Variants in EPB41L2 observed in about 807,000 individuals in gnomAD.
The protein encoded by EPB41L2 is erythrocyte membrane protein band 4.1 like 2.
A neutral mutation model predicts 113.0 loss-of-function variants in EPB41L2; 43 were observed. That is an observed-to-expected ratio of 0.38 (90% CI 0.30 to 0.49). The LOEUF is 0.49. Ranked by LOEUF, EPB41L2 falls within the 20% of genes least tolerant of loss-of-function variation. The pLI, the probability that EPB41L2 is intolerant of heterozygous loss-of-function variation, is 0.95. For missense variants in EPB41L2, 1,147 were observed against 1,223.4 expected, an observed-to-expected ratio of 0.94 and a Z score of 0.93; for synonymous variants, 442 against 436.7, an observed-to-expected ratio of 1.01 and a Z score of -0.15.
chr6:130,903,314 C>T (rs533594329), intron 6 of EPB41L2, among the ~76,000 whole-genome samples: 1 of 148,886 alleles, frequency 6.7e-6, no homozygotes, highest in African/African-American at 2.5e-5. Context: ...TGTGCAGTTA[C>T]AAAAGCTACT....
chr6:130,854,250 G>C (rs1039496199), intron 19 of EPB41L2, among the ~76,000 whole-genome samples: 1 of 151,986 alleles, frequency 6.6e-6, no homozygotes, highest in African/African-American at 2.4e-5. Context: ...TGCCAAGGAG[G>C]GGGACCATGT....
chr6:130,926,245 T>C (rs1385837049), intron 4 of EPB41L2, among the ~76,000 whole-genome samples: 1 of 152,242 alleles, frequency 6.6e-6, no homozygotes, highest in East Asian at 1.9e-4. Flanking sequence ...ACTTATTTAG[T>C]ACCGAAAGGC....
chr6:130,841,594 C>T (rs1484772889), intron 19 of EPB41L2, among the ~76,000 whole-genome samples: 1 of 152,104 alleles, frequency 6.6e-6, no homozygotes, highest in Non-Finnish European at 1.5e-5. Context: ...ATGGCCAGGA[C>T]CCAGACTTGA....
At chr6:130,873,431 T>C (rs912122667) in intron 14 of EPB41L2, among the ~76,000 whole-genome samples, 4 of 151,506 alleles carry the variant, frequency 2.6e-5, no homozygotes, top group African/African-American at 9.7e-5. Context: ...ATGTCAGAAG[T>C]GTGAGAATAA....
At chr6:130,872,379 A>G in intron 14 of EPB41L2, 1 of 1,287,950 alleles carries the variant, frequency 7.8e-7, no homozygotes, top group South Asian at 1.2e-5. Flanking sequence ...ACCTCAAGCA[A>G]GTGTGAGAAG....
At chr6:131,058,352 G>A (rs79129911) in intron 1 of EPB41L2, among the ~76,000 whole-genome samples, 179 of 152,172 alleles carry the variant, frequency 1.2e-3, no homozygotes, top group Non-Finnish European at 2.0e-3. Flanking sequence ...CCAACACCAT[G>A]GAAATATATA....
intron 10 of EPB41L2, among the ~76,000 whole-genome samples, chr6:130,893,009 G>A (rs1166917364): frequency 6.6e-6 from 1 of 152,142 alleles, no homozygotes; most frequent in Admixed American, 6.6e-5. Context: ...AAACTGCAGT[G>A]AGAGAAAACT....
intron 19 of EPB41L2, among the ~76,000 whole-genome samples, chr6:130,849,199 C>T (rs1778023490): frequency 6.6e-6 from 1 of 152,182 alleles, no homozygotes; most frequent in South Asian, 2.1e-4. Context: ...TAAGCTCCAG[C>T]ATAGTAACCA....
At chr6:130,982,162 C>T (rs774628292) in intron 1 of EPB41L2, among the ~76,000 whole-genome samples, 31 of 150,582 alleles carry the variant, frequency 2.1e-4, no homozygotes, top group Non-Finnish European at 4.0e-4. Flanking sequence ...ACAAGAAACA[C>T]AATTTAGGAA....
chr6:131,037,051 G>A lies in EPB41L2; in HGVS notation c.-15+26104C>T, dbSNP rs532950259. 1.9e-4 allele frequency among the ~76,000 whole-genome samples: 29 copies of A among 152,284 alleles called. 1 individual carries two copies. Among genetic ancestry groups the A allele is most frequent in the African/African-American group, 7.0e-4 (29 of 41,560 alleles). On this transcript the variant is annotated intron_variant, in intron 1 of 19. Transcript: ENST00000337057. Reference sequence around the variant, plus strand: ...TCAACTATAAGCCAATTCACATTACGATTAGCACTTCAGAAATTTCTGTAC... The same window carrying A: ...TCAACTATAAGCCAATTCACATTACAATTAGCACTTCAGAAATTTCTGTAC...
intron 1 of EPB41L2, among the ~76,000 whole-genome samples, chr6:130,985,162 T>C (rs766612549): frequency 9.2e-5 from 14 of 152,196 alleles, no homozygotes; most frequent in Non-Finnish European, 1.9e-4. Flanking sequence ...CTGTTCCTGT[T>C]TGCCCACCCT....
At chr6:130,850,957 C>G (rs1778609221) in intron 19 of EPB41L2, among the ~76,000 whole-genome samples, 2 of 152,128 alleles carry the variant, frequency 1.3e-5, no homozygotes, top group African/African-American at 4.8e-5. Context: ...CTGGCTATGC[C>G]TAAAACTCAC....
intron 1 of EPB41L2, among the ~76,000 whole-genome samples, chr6:131,058,450 A>T (rs564167971): frequency 6.6e-6 from 1 of 152,226 alleles, no homozygotes; most frequent in Non-Finnish European, 1.5e-5. Context: ...AGGAGAAACA[A>T]TATCAGTGGT....
chr6:130,879,602 A>G (rs1472994230), intron 13 of EPB41L2, among the ~76,000 whole-genome samples: 1 of 152,084 alleles, frequency 6.6e-6, no homozygotes, highest in East Asian at 1.9e-4. Context: ...CTTCTCTCTC[A>G]CTTTTGCTTG....
intron 19 of EPB41L2, among the ~76,000 whole-genome samples, chr6:130,844,155 C>A (rs577815430): frequency 2.0e-4 from 30 of 152,198 alleles, no homozygotes; most frequent in South Asian, 1.5e-3. Flanking sequence ...GTGGTTTTCC[C>A]CCAGATAATA....
At chr6:131,002,886 C>A (rs1484301691) in intron 1 of EPB41L2, among the ~76,000 whole-genome samples, 1 of 152,208 alleles carries the variant, frequency 6.6e-6, no homozygotes, top group Non-Finnish European at 1.5e-5. Flanking sequence ...GGTCAATGAT[C>A]TTTTAAGTCA....
chr6:130,887,028 T>C (rs1213764169), intron 11 of EPB41L2, among the ~76,000 whole-genome samples: 1 of 152,174 alleles, frequency 6.6e-6, no homozygotes, highest in Non-Finnish European at 1.5e-5. Flanking sequence ...TGCTTACAAT[T>C]ATGATTTCTA....
At chr6:130,961,518 TAACATCATGCTACTTAA>T (rs1172406165) in intron 1 of EPB41L2, among the ~76,000 whole-genome samples, 1 of 152,130 alleles carries the variant, frequency 6.6e-6, no homozygotes, top group African/African-American at 2.4e-5. Context: ...GCCAACCATA[TAACATCATGCTACTTAA>T]AACATTGGCC....
At chr6:130,922,893 C>A (rs1404870631) in intron 4 of EPB41L2, among the ~76,000 whole-genome samples, 1 of 152,144 alleles carries the variant, frequency 6.6e-6, no homozygotes, top group African/African-American at 2.4e-5. Context: ...ACAGATTATA[C>A]CTAGAGTGGA....
Sources: allele counts gnomAD v4.1 joint callset (sites outside exome capture counted in the v4.1 genomes callset), GRCh38; gene constraint gnomAD v4.1.1; transcripts MANE v1.5; gene names NCBI Gene and HGNC (gene_info 2026-07-23, HGNC 2026-07-21).